The following ZFR2 variants were observed in gnomAD, a reference collection of about 807,000 sequenced individuals.
ZFR2 encodes zinc finger RNA binding protein 2, also known as zinc finger RNA-binding protein 2.
ZFR2 carries 104 observed loss-of-function variants against 105.7 expected under a neutral mutation model. The ratio of observed to expected loss-of-function variants is 0.98; its 90% CI spans 0.84 to 1.16. The LOEUF (loss-of-function observed/expected upper bound fraction) is 1.16, where lower values mean the gene tolerates loss of function less well. ZFR2 is among the 50% of genes most tolerant of loss of function. The pLI is 0.00. For synonymous variants in ZFR2, 634 were observed against 597.7 expected (o/e 1.06, Z -0.89); for missense variants, 1,425 against 1,355.5 (o/e 1.05, Z -0.80).
rs1266750734 is a variant in ZFR2 at position 3,816,434 on chromosome 19, C to T, written c.2103+240G>A. The stretch of plus-strand genomic sequence containing the variant: ...CTAATTTCTGTATTTTTAGTAGAGA[C>T]GGTGTTTCACCATGTTGGCCAGGCT... On this transcript the variant is annotated intron_variant, in intron 13 of 18. Transcript: ENST00000262961. 2.6e-5 allele frequency among the ~76,000 whole-genome samples: 4 copies of T among 151,842 alleles called. No individual in the cohort carries two copies. In the South Asian group the frequency reaches 6.2e-4, roughly 24 times the overall value.
At chr19:3,810,706 T>C (rs2037753338) in intron 16 of ZFR2, 44 bp downstream of exon 16, 1 of 1,527,408 alleles carries the variant, frequency 6.5e-7, no homozygotes, top group African/African-American at 1.4e-5. Context: ...ATGGAGGCCC[T>C]TGGGGGTCCC....
At chr19:3,856,665 A>G (rs2038305548) in intron 1 of ZFR2, among the ~76,000 whole-genome samples, 1 of 152,168 alleles carries the variant, frequency 6.6e-6, no homozygotes, top group African/African-American at 2.4e-5. Flanking sequence ...TGATGATTAA[A>G]CAAGAACTCA....
chr19:3,816,245 T>C (rs971093386), intron 13 of ZFR2, among the ~76,000 whole-genome samples: 3 of 137,090 alleles, frequency 2.2e-5, no homozygotes, highest in African/African-American at 9.1e-5. Context: ...TCTTGTATCT[T>C]TTTTTTTTTT....
intron 7 of ZFR2, 108 bp downstream of exon 7, chr19:3,825,122 C>T: frequency 7.6e-7 from 1 of 1,321,204 alleles, no homozygotes; most frequent in Non-Finnish European, 9.8e-7. Flanking sequence ...TCACCACCCC[C>T]CGGGAAGACA....
At chr19:3,829,469 T>C (rs945140568) in intron 5 of ZFR2, among the ~76,000 whole-genome samples, 4 of 151,998 alleles carry the variant, frequency 2.6e-5, no homozygotes, top group South Asian at 2.1e-4. Context: ...TGTGTGTGTG[T>C]GTGTGTGTGT....
At chr19:3,810,610 C>T in intron 16 of ZFR2, 140 bp downstream of exon 16, 1 of 697,408 alleles carries the variant, frequency 1.4e-6, no homozygotes, top group Non-Finnish European at 2.2e-6. Context: ...ACCTCAGGGA[C>T]TCCCACGGCC....
chr19:3,867,433 A>G (rs1250959124), intron 1 of ZFR2, among the ~76,000 whole-genome samples: 1 of 151,982 alleles, frequency 6.6e-6, no homozygotes, highest in Non-Finnish European at 1.5e-5. Context: ...AGAACAGTGT[A>G]GAGTGTGTGT....
At chr19:3,807,602 C>T (rs939335422) in intron 17 of ZFR2, among the ~76,000 whole-genome samples, 4 of 152,002 alleles carry the variant, frequency 2.6e-5, no homozygotes, top group African/African-American at 9.7e-5. Context: ...TCCGTGTGTG[C>T]ACGTGTGTGC....
chr19:3,820,815 T>G (rs74579589), intron 10 of ZFR2, among the ~76,000 whole-genome samples: 2 of 93,702 alleles, frequency 2.1e-5, no homozygotes, highest in African/African-American at 4.2e-5. Context: ...AGGGGTCACA[T>G]GGCACACTAG....
Position 3,805,916 on chromosome 19 carries a change from T to G in ZFR2, c.*33A>C, listed in dbSNP as rs149867662. 3,328 of 1,504,298 alleles carry G rather than the reference T, an allele frequency of 2.2e-3. 3 individuals carry two copies. The highest frequency in any genetic ancestry group is 2.8e-3 in the Non-Finnish European group (3,181 of 1,131,286). The allele number at this position is 1,504,298 out of a possible 1,614,324, so 93.2% of individuals were successfully genotyped here. A position where few individuals can be genotyped will look rare whatever the true frequency, so the allele number is the denominator to read the frequency against. ...GCGCACACGTCCAGGAGTGCAGGGA[T>G]GCAAAGGCCCGCAGGTGGGGGAGGT... On this transcript the variant is annotated 3_prime_UTR_variant, in exon 19 of 19. Coordinates refer to ENST00000262961, the MANE Select transcript of ZFR2 (RefSeq NM_015174.2).
chr19:3,807,703 G>C (rs1346507876), intron 17 of ZFR2, among the ~76,000 whole-genome samples: 1 of 150,570 alleles, frequency 6.6e-6, no homozygotes, highest in African/African-American at 2.5e-5. Flanking sequence ...ACCCATGTGT[G>C]TCCATGCATG....
chr19:3,831,478 G>A lies in ZFR2; in HGVS notation c.677C>T (p.Pro226Leu). 6.5e-7 allele frequency: 1 copy of A among 1,549,944 alleles called. No individual in the cohort carries two copies. Among genetic ancestry groups the A allele is most frequent in the Non-Finnish European group, 8.7e-7 (1 of 1,147,236 alleles). The change falls in exon 5 of 19, where the codon CCC (proline) becomes CTC (leucine). Residue 226 changes from proline to leucine, a missense_variant. Transcript: ENST00000262961. Reference sequence around the variant, plus strand: ...GGGCAGCTGCTGCGGGGGTCCCGGGGGAGGCGGGGGCTGCGCTGGAGGATA... The same window carrying A: ...GGGCAGCTGCTGCGGGGGTCCCGGGAGAGGCGGGGGCTGCGCTGGAGGATA... ...PFYPPAQPPPPPGPPQQLPPP... is the reference protein window; with the variant it reads ...PFYPPAQPPPLPGPPQQLPPP...
chr19:3,833,845 C>G, intron 2 of ZFR2, 67 bp from the exon 3 acceptor site: 1 of 1,238,604 alleles, frequency 8.1e-7, no homozygotes. Context: ...GTGGGTGCGA[C>G]GCGCCCTGCC....
chr19:3,831,771 A>T lies in ZFR2; in HGVS notation c.487T>A (p.Ser163Thr). 1 of 1,610,484 alleles carries T rather than the reference A, an allele frequency of 6.2e-7. No homozygotes were observed. Among genetic ancestry groups the T allele is most frequent in the South Asian group, 1.1e-5 (1 of 90,820 alleles). ...VESGQPASTL[S>T]SGYTYPTATG... ...GCCGTGGGGTAGGTGTATCCCGAGG[A>T]CAAGGTGCTCGCTGGCTGTCCGGAC... is the stretch of plus-strand genomic sequence containing the variant. The change falls in exon 4 of 19, where the codon TCC (serine) becomes ACC (threonine). Residue 163 changes from serine (S) to threonine (T), a missense_variant. Ser to Thr is a moderately conservative substitution (Grantham distance 58). Transcript: ENST00000262961.
In ZFR2 at chr19:3,807,187, C is replaced by T. The variant is rs1297978343; in HGVS notation, c.2628G>A (p.Val876=). ...EPMTLQERED[V]TASAQHALRM... ...ACCCTCCTACCTGGGCGCTGGCGGT[C>T]ACGTCTTCCCGCTCTTGGAGGGTCA... Residue 876 remains valine, a synonymous_variant, in exon 18 of 19, where the codon GTG becomes GTA. Coordinates refer to ENST00000262961, the MANE Select transcript of ZFR2 (RefSeq NM_015174.2). The T allele has an allele frequency of 6.4e-7, 1 of 1,555,472 alleles. No homozygotes were observed. The highest frequency in any genetic ancestry group is 8.7e-7 in the Non-Finnish European group (1 of 1,148,972).
At position 3,823,884 on chromosome 19, in the gene ZFR2, G is replaced by A. The variant is rs1185536641; in HGVS notation, c.1214-481C>T. ...ATAGAATGTGGCTCCCTCGACCCCT[G>A]CCCACGCACAGCACGGTGGTCCAGG... On this transcript the variant is annotated intron_variant, in intron 7 of 18. Transcript: ENST00000262961. This position sits in a 1 kb window ranked among gnomAD's most constrained non-coding sequence, Gnocchi z 5.4. Among the ~76,000 whole-genome samples the A allele has an allele frequency of 6.6e-6, 1 of 152,156 alleles. No individual in the cohort carries two copies. Among genetic ancestry groups the A allele is most frequent in the Admixed American group, 6.5e-5 (1 of 15,270 alleles).
chr19:3,819,656 C>T (rs2037867316), intron 11 of ZFR2, among the ~76,000 whole-genome samples: 2 of 152,064 alleles, frequency 1.3e-5, no homozygotes, highest in African/African-American at 4.8e-5. Flanking sequence ...GAGTTCCAGG[C>T]CAGCCTGGCC....
intron 1 of ZFR2, among the ~76,000 whole-genome samples, chr19:3,857,450 AT>A (rs2038318783): frequency 6.6e-6 from 1 of 151,174 alleles, no homozygotes; most frequent in Non-Finnish European, 1.5e-5. Flanking sequence ...CACACCTGTG[AT>A]CCCAGCACTT....
chr19:3,859,595 C>A (rs547874699), intron 1 of ZFR2, among the ~76,000 whole-genome samples: 1 of 152,224 alleles, frequency 6.6e-6, no homozygotes, highest in African/African-American at 2.4e-5. Context: ...GGTGGGTCTG[C>A]GACTGCGTGC....
Sources: gnomAD v4.1 joint callset for allele counts (sites outside exome capture counted in the v4.1 genomes callset) on GRCh38, gnomAD v4.1.1 for gene constraint, Gnocchi (gnomAD v3.1) non-coding constraint, MANE v1.5 for transcripts, NCBI Gene and HGNC (gene_info 2026-07-23, HGNC 2026-07-21) for gene names.